PACSIN2: variants seen among roughly 807,000 people sequenced by gnomAD.
PACSIN2 encodes the protein protein kinase C and casein kinase substrate in neurons protein 2.
In PACSIN2, 25 loss-of-function variants were observed where a neutral mutation model predicts 63.8. The ratio of observed to expected loss-of-function variants is 0.39; its 90% CI spans 0.29 to 0.55. PACSIN2 has a LOEUF of 0.55. Ranked by LOEUF, PACSIN2 falls within the 20% of genes least tolerant of loss-of-function variation. The pLI is 0.62. For synonymous variants in PACSIN2, 255 were observed against 256.2 expected (o/e 1.00, Z 0.05); for missense variants, 518 against 646.9 (o/e 0.80, Z 2.16).
intron 2 of PACSIN2, among the ~76,000 whole-genome samples, chr22:42,909,199 A>G (rs1214113846): frequency 1.3e-5 from 2 of 152,092 alleles, no homozygotes; most frequent in Non-Finnish European, 2.9e-5. Context: ...ATCCTACGGC[A>G]CCTGGCATGA....
In PACSIN2 at chr22:43,010,398, A is replaced by ATATATATATATATATATATATTTT; in HGVS notation, c.-78+4622_-78+4623insAAAATATATATATATATATATATA. 1.1e-3 allele frequency among the ~76,000 whole-genome samples: 134 copies of ATATATATATATATATATATATTTT among 126,382 alleles called. 1 individual carries two copies. The highest frequency in any genetic ancestry group is 4.0e-3 in the Middle Eastern group (1 of 248). The allele number at this position is 126,382 out of a possible 152,430, so 82.9% of individuals were successfully genotyped here. A position where few individuals can be genotyped will look rare whatever the true frequency, so the allele number is the denominator to read the frequency against. ...TGTTTAAAAATACATATATATATAT[A>ATATATATATATATATATATATTTT]TTTTTTTTTAATTGAAAATAAAAAA... On this transcript the variant is annotated intron_variant, in intron 1 of 10. Transcript: ENST00000263246.
Position 42,871,705 on chromosome 22 carries a change from G to A in PACSIN2, c.1349-236C>T, listed in dbSNP as rs1489363620. Among the ~76,000 whole-genome samples the A allele has an allele frequency of 6.6e-6, 1 of 152,182 alleles. No homozygotes were observed. The highest frequency in any genetic ancestry group is 2.4e-5 in the African/African-American group (1 of 41,442). ...CTCACACAGTAATTTGGAACAAGCT[G>A]CTCTCAGCTGCCACAGTGGCTCCCA... is the stretch of plus-strand genomic sequence containing the variant. On this transcript the variant is annotated intron_variant, in intron 10 of 10. Transcript: ENST00000263246. This position sits in a 1 kb window ranked among gnomAD's most constrained non-coding sequence, Gnocchi z 5.4.
At chr22:42,934,943 T>C (rs144364137) in intron 1 of PACSIN2, among the ~76,000 whole-genome samples, 3,316 of 152,010 alleles carry the variant, frequency 0.022, 43 homozygotes, top group Admixed American at 0.03. Flanking sequence ...TGAGACAGAG[T>C]TTCGCTTTAT....
intron 3 of PACSIN2, 24 bp from the exon 4 acceptor site, chr22:42,891,206 G>C: frequency 1.3e-6 from 2 of 1,549,262 alleles, no homozygotes; most frequent in Non-Finnish European, 1.8e-6. Flanking sequence ...AGAAGCTGCG[G>C]GTCACTCAGC....
intron 1 of PACSIN2, among the ~76,000 whole-genome samples, chr22:43,013,052 C>A (rs4822250): frequency 0.61 from 92,617 of 151,934 alleles, 28,825 homozygotes; most frequent in East Asian, 0.81. Flanking sequence ...TCGGCCTTCC[C>A]AAGTGCTGGG....
chr22:42,982,111 T>C, intron 1 of PACSIN2, among the ~76,000 whole-genome samples: 1 of 120,620 alleles, frequency 8.3e-6, no homozygotes. Flanking sequence ...AGCCGCCCCG[T>C]CCGGGAGGGA....
In PACSIN2 at chr22:42,992,327, A is replaced by T. The variant is rs558878761; in HGVS notation, c.-78+22694T>A. ...AACCCAGTGCTGGTGATGCGCGCAA[A>T]GCACTTTGGAAAAGTTTGGCAGTGT... is the stretch of plus-strand genomic sequence containing the variant. On this transcript the variant is annotated intron_variant, in intron 1 of 10. Transcript: ENST00000263246. Among the ~76,000 whole-genome samples, 6 of 152,338 alleles carry T rather than the reference A, an allele frequency of 3.9e-5. No individual in the cohort carries two copies. In the South Asian group the frequency reaches 1.2e-3, roughly 32 times the overall value.
rs77262487 is a variant in PACSIN2 at position 42,991,597 on chromosome 22, A to G, written c.-78+23424T>C. On this transcript the variant is annotated intron_variant, in intron 1 of 10. Transcript: ENST00000263246. The stretch of plus-strand genomic sequence containing the variant: ...CCAGTCCCTTTCCCAGCCCTATCCA[A>G]TGATAGAGCTCCTGCTGTCAGGAGC... 4.1e-3 allele frequency among the ~76,000 whole-genome samples: 630 copies of G among 152,324 alleles called. 3 individuals are homozygous for G. The highest frequency in any genetic ancestry group is 0.014 in the African/African-American group (594 of 41,576).
At chr22:42,985,930 G>A (rs573247234) in intron 1 of PACSIN2, among the ~76,000 whole-genome samples, 1 of 151,264 alleles carries the variant, frequency 6.6e-6, no homozygotes, top group East Asian at 1.9e-4. Context: ...CCATTACAGG[G>A]CCACTATAGA....
chr22:42,911,964 C>T, intron 2 of PACSIN2, 57 bp downstream of exon 2: 1 of 1,323,616 alleles, frequency 7.6e-7, no homozygotes, highest in Non-Finnish European at 1.1e-6. Context: ...ACCAAAGGGC[C>T]TGCCAGACAC....
At chr22:43,010,429 G>T (rs1924409540) in intron 1 of PACSIN2, among the ~76,000 whole-genome samples, 1 of 112,064 alleles carries the variant, frequency 8.9e-6, no homozygotes, top group Non-Finnish European at 2.1e-5. Context: ...AAAAAGACCG[G>T]CCAGGCACGG....
intron 1 of PACSIN2, among the ~76,000 whole-genome samples, chr22:42,956,043 C>T (rs533526897): frequency 2.9e-4 from 44 of 152,332 alleles, no homozygotes; most frequent in Non-Finnish European, 5.1e-4. Flanking sequence ...ATCAACATTT[C>T]GTCAAGTAAG....
chr22:42,962,183 C>CTT (rs3046541), intron 1 of PACSIN2, among the ~76,000 whole-genome samples: 87,483 of 147,806 alleles, frequency 0.59, 26,164 homozygotes, highest in Admixed American at 0.71. Flanking sequence ...TACCAGAAAA[C>CTT]TTTTTTTTTT....
chr22:42,935,365 G>T (rs1034467753), intron 1 of PACSIN2, among the ~76,000 whole-genome samples: 5 of 152,066 alleles, frequency 3.3e-5, no homozygotes, highest in Admixed American at 6.5e-5. Context: ...GGGGCGGGGT[G>T]GGGGGAAGAA....
intron 1 of PACSIN2, among the ~76,000 whole-genome samples, chr22:42,955,791 T>C (rs1336026479): frequency 6.6e-6 from 1 of 152,240 alleles, no homozygotes; most frequent in South Asian, 2.1e-4. Context: ...GGGAAAGTAG[T>C]AACAAATGTT....
chr22:42,999,106 T>C (rs1284050852), intron 1 of PACSIN2, among the ~76,000 whole-genome samples: 1 of 152,206 alleles, frequency 6.6e-6, no homozygotes, highest in Non-Finnish European at 1.5e-5. Context: ...CACTGACTCT[T>C]AAGCCGTTTA....
intron 1 of PACSIN2, among the ~76,000 whole-genome samples, chr22:43,007,152 T>A (rs1374781731): frequency 6.6e-6 from 1 of 151,876 alleles, no homozygotes; most frequent in Non-Finnish European, 1.5e-5. Context: ...TCCAGGAGAA[T>A]ATAAGGCAGG....
chr22:42,907,296 G>T (rs1225932046), intron 2 of PACSIN2, among the ~76,000 whole-genome samples: 3 of 152,210 alleles, frequency 2.0e-5, no homozygotes, highest in Non-Finnish European at 4.4e-5. Flanking sequence ...AGCAGGGCAG[G>T]GAGCCATCCA....
chr22:43,010,879 ATTTGT>A (rs1364427056), intron 1 of PACSIN2, among the ~76,000 whole-genome samples: 1 of 152,190 alleles, frequency 6.6e-6, no homozygotes, highest in Non-Finnish European at 1.5e-5. Context: ...GGTGGTTTTT[ATTTGT>A]TTTATGTGTG....
Sources: gnomAD v4.1 joint callset for allele counts (sites outside exome capture counted in the v4.1 genomes callset) on GRCh38, gnomAD v4.1.1 for gene constraint, Gnocchi (gnomAD v3.1) non-coding constraint, MANE v1.5 for transcripts, NCBI Gene and HGNC (gene_info 2026-07-23, HGNC 2026-07-21) for gene names.